GGTA1: variants seen among roughly 807,000 people sequenced by gnomAD.
The protein encoded by GGTA1 is inactive N-acetyllactosaminide alpha-1,3-galactosyltransferase.
A neutral mutation model predicts 2.6 loss-of-function variants in GGTA1; 5 were observed. The ratio of observed to expected loss-of-function variants is 1.92; its 90% CI spans 1.00 to 4.04. The LOEUF is 4.04. Ranked by LOEUF, GGTA1 falls within the 30% of genes most tolerant of loss-of-function variation. The probability of loss-of-function intolerance (pLI) is 0.00; values close to 1 mark genes in which losing one functional copy is unlikely to be tolerated. For missense variants in GGTA1, 50 were observed against 16.7 expected (o/e 2.99, Z -3.47); for synonymous variants, 17 against 5.0 (o/e 3.38, Z -3.19).
At chr9:121,477,899 G>T (rs1280155245) in intron 1 of GGTA1, among the ~76,000 whole-genome samples, 2 of 151,970 alleles carry the variant, frequency 1.3e-5, no homozygotes, top group East Asian at 1.9e-4. Context: ...CTTAAAGAGG[G>T]CTCCCCAAAT....
chr9:121,447,466 T>A (rs867574400), exon 8 of GGTA1: 1 of 152,594 alleles, frequency 6.6e-6, no homozygotes, highest in Non-Finnish European at 1.5e-5. Context: ...TTTGAAGGAA[T>A]GCAGAGGACC....
chr9:121,487,222 GAGA>G (rs1171038771), intron 1 of GGTA1, among the ~76,000 whole-genome samples: 1 of 152,100 alleles, frequency 6.6e-6, no homozygotes, highest in African/African-American at 2.4e-5. Flanking sequence ...TGAGATGCAG[GAGA>G]AGATGTTTGT....
chr9:121,498,195 A>G (rs1165808810), intron 1 of GGTA1, among the ~76,000 whole-genome samples: 1 of 152,240 alleles, frequency 6.6e-6, no homozygotes, highest in African/African-American at 2.4e-5. Context: ...CTCCCCTACC[A>G]TGGTGGCCCT....
At chr9:121,480,729 C>T (rs1407126391) in intron 1 of GGTA1, among the ~76,000 whole-genome samples, 1 of 152,220 alleles carries the variant, frequency 6.6e-6, no homozygotes, top group Admixed American at 6.5e-5. Flanking sequence ...CTTCCTAATA[C>T]CTTGCTTAAA....
chr9:121,466,813 CGTGGTAATACACGCCT>C (rs2065007910), intron 2 of GGTA1, among the ~76,000 whole-genome samples: 1 of 151,982 alleles, frequency 6.6e-6, no homozygotes, highest in Non-Finnish European at 1.5e-5. Context: ...ATTAGCTGGG[CGTGGTAATACACGCCT>C]GTAATCACAG....
intron 1 of GGTA1, among the ~76,000 whole-genome samples, chr9:121,478,584 C>T (rs1276552888): frequency 6.6e-6 from 1 of 152,070 alleles, no homozygotes; most frequent in Admixed American, 6.6e-5. Context: ...AATGCTTCCA[C>T]GATACAATTC....
chr9:121,487,904 T>C (rs1190776347), intron 1 of GGTA1, among the ~76,000 whole-genome samples: 1 of 151,948 alleles, frequency 6.6e-6, no homozygotes, highest in African/African-American at 2.4e-5. Context: ...TTAGCAGAGA[T>C]GGTGTTTCAC....
downstream of GGTA1, among the ~76,000 whole-genome samples, chr9:121,454,047 A>T (rs12005392): frequency 8.5e-4 from 130 of 152,178 alleles, no homozygotes; most frequent in African/African-American, 3.1e-3. Flanking sequence ...TTCACCCCCA[A>T]TGCTGAAATT....
intron 1 of GGTA1, among the ~76,000 whole-genome samples, chr9:121,473,867 G>A (rs1296349579): frequency 6.8e-5 from 10 of 147,586 alleles, no homozygotes; most frequent in African/African-American, 1.7e-4. Context: ...GCAGTGAGCC[G>A]TGATCAAGCC....
intron 1 of GGTA1, among the ~76,000 whole-genome samples, chr9:121,498,857 C>T (rs1475547347): frequency 6.6e-6 from 1 of 151,674 alleles, no homozygotes; most frequent in East Asian, 1.9e-4. Flanking sequence ...TTCTCTGGCT[C>T]TTTGCGCGCT....
intron 1 of GGTA1, among the ~76,000 whole-genome samples, chr9:121,487,530 C>T (rs1385130270): frequency 3.5e-5 from 5 of 141,002 alleles, no homozygotes; most frequent in South Asian, 2.4e-4. Context: ...GACCCGAGAT[C>T]GCGCCACTGC....
At chr9:121,487,520 G>T (rs1371636230) in intron 1 of GGTA1, among the ~76,000 whole-genome samples, 1 of 140,526 alleles carries the variant, frequency 7.1e-6, no homozygotes, top group South Asian at 2.4e-4. Flanking sequence ...AGGTTGCAGT[G>T]ACCCGAGATC....
At chr9:121,460,260 G>A (rs1206384734) in intron 4 of GGTA1, 41 bp from the exon 5 acceptor site, 1 of 456,816 alleles carries the variant, frequency 2.2e-6, no homozygotes, top group East Asian at 6.9e-5. Flanking sequence ...GGCAGGGAAG[G>A]TGATTGCGGT....
chr9:121,465,308 C>T (rs575029462), intron 2 of GGTA1, among the ~76,000 whole-genome samples: 3 of 152,368 alleles, frequency 2.0e-5, no homozygotes, highest in East Asian at 1.9e-4. Context: ...GCAGACATTC[C>T]GACTCCAGGC....
intron 5 of GGTA1, among the ~76,000 whole-genome samples, chr9:121,456,929 C>T (rs1188887691): frequency 6.6e-6 from 1 of 152,198 alleles, no homozygotes; most frequent in Non-Finnish European, 1.5e-5. Context: ...GCCTCAGCCT[C>T]CCAAAGTGCT....
rs61241203 is a variant in GGTA1, at chr9:121,462,051, C to T, written c.117-734G>A. On this transcript the variant is annotated intron_variant, in intron 3 of 5. Transcript: ENST00000481799. ...TCTCTTCAAGGTGGGGGGTCGGGCA[C>T]GGTGGCTCACGCCTGTAATCCCAAT... Among the ~76,000 whole-genome samples, 761 of 152,304 alleles carry T rather than the reference C, an allele frequency of 5.0e-3. 6 individuals carry two copies. Among genetic ancestry groups the T allele is most frequent in the African/African-American group, 0.018 (731 of 41,562 alleles).
chr9:121,450,026 T>A (rs971692818), intron 7 of GGTA1, among the ~76,000 whole-genome samples: 1 of 152,178 alleles, frequency 6.6e-6, no homozygotes, highest in Non-Finnish European at 1.5e-5. Flanking sequence ...GAATTTAATG[T>A]GCTGATCACA....
At position 121,465,545 on chromosome 9, in the gene GGTA1, C is replaced by T. The variant is rs947857443; in HGVS notation, c.81-2217G>A. ...GGACGTAATTAGGTTTAGATGAGGT[C>T]GTGGGAGTAGGACCCCCATGAAGGA... On this transcript the variant is annotated intron_variant, in intron 2 of 5. Coordinates refer to ENST00000481799, the MANE Select transcript of GGTA1 (RefSeq NM_001382585.1). Among the ~76,000 whole-genome samples, 39 of 152,160 alleles carry T rather than the reference C, an allele frequency of 2.6e-4. 2 individuals carry two copies. The highest frequency in any genetic ancestry group is 2.2e-3 in the Admixed American group (34 of 15,290).
At chr9:121,480,103 C>T (rs1404525369) in intron 1 of GGTA1, among the ~76,000 whole-genome samples, 4 of 147,970 alleles carry the variant, frequency 2.7e-5, no homozygotes, top group East Asian at 3.9e-4. Flanking sequence ...TCGCCCAGGG[C>T]GGAGTACAGT....
Sources: allele counts gnomAD v4.1 joint callset (sites outside exome capture counted in the v4.1 genomes callset), GRCh38; gene constraint gnomAD v4.1.1; transcripts MANE v1.5; gene names NCBI Gene and HGNC (gene_info 2026-07-23, HGNC 2026-07-21).